TUSC3: variants seen among roughly 807,000 people sequenced by gnomAD.
TUSC3 encodes dolichyl-diphosphooligosaccharide--protein glycosyltransferase subunit TUSC3.
Under a neutral mutation model 44.8 loss-of-function variants are expected in TUSC3, and 45 were observed. The ratio of observed to expected loss-of-function variants is 1.00; its 90% CI spans 0.79 to 1.29. The LOEUF is 1.29. Among genes scored for constraint, TUSC3 ranks in the 50% most tolerant of loss-of-function variants. The pLI, the probability that TUSC3 is intolerant of heterozygous loss-of-function variation, is 0.00. For missense variants in TUSC3, 519 were observed against 437.9 expected (o/e 1.19, Z -1.65); for synonymous variants, 212 against 152.9 (o/e 1.39, Z -2.85).
At chr8:15,494,753 T>C (rs1332306647) in intron 2 of TUSC3, among the ~76,000 whole-genome samples, 1 of 152,190 alleles carries the variant, frequency 6.6e-6, no homozygotes. Flanking sequence ...TTCTGGACTG[T>C]ATTATGACAA....
the TUSC3 span, among the ~76,000 whole-genome samples, chr8:15,783,708 C>G: frequency 1.3e-5 from 2 of 152,050 alleles, no homozygotes; most frequent in Non-Finnish European, 2.9e-5. Flanking sequence ...ATGCAAAAAT[C>G]AATTCAAAAT....
At chr8:15,517,579 G>C (rs1801236649) in intron 2 of TUSC3, among the ~76,000 whole-genome samples, 2 of 124,344 alleles carry the variant, frequency 1.6e-5, no homozygotes, top group Non-Finnish European at 3.1e-5. Context: ...CACATTTACA[G>C]TTTACACAGC....
chr8:15,613,019 A>G (rs1585153205), intron 1 of TUSC3, among the ~76,000 whole-genome samples: 1 of 150,672 alleles, frequency 6.6e-6, no homozygotes. Context: ...ACTTAAGAGC[A>G]GAGCTACAGC....
chr8:15,808,333 T>C, the TUSC3 span, among the ~76,000 whole-genome samples: 1 of 152,136 alleles, frequency 6.6e-6, no homozygotes. Flanking sequence ...AATATAATTG[T>C]TTAAAAAATG....
intron 2 of TUSC3, among the ~76,000 whole-genome samples, chr8:15,530,349 G>A (rs1801433671): frequency 6.6e-6 from 1 of 152,114 alleles, no homozygotes; most frequent in African/African-American, 2.4e-5. Flanking sequence ...TGGATAAGTT[G>A]ATGTGTGAAA....
chr8:15,504,350 T>TA (rs1801015406), intron 2 of TUSC3, among the ~76,000 whole-genome samples: 1 of 151,948 alleles, frequency 6.6e-6, no homozygotes, highest in Non-Finnish European at 1.5e-5. Context: ...TGTGAGATTT[T>TA]AATAAATTAG....
the TUSC3 span, among the ~76,000 whole-genome samples, chr8:15,787,687 G>T: frequency 1.2e-4 from 18 of 152,114 alleles, no homozygotes; most frequent in African/African-American, 4.3e-4. Context: ...ATCTTAATAT[G>T]CAACAAAAAT....
At chr8:15,757,270 C>T (rs1165273580) in intron 9 of TUSC3, among the ~76,000 whole-genome samples, 1 of 152,106 alleles carries the variant, frequency 6.6e-6, no homozygotes, top group African/African-American at 2.4e-5. Flanking sequence ...TAAAACGAAA[C>T]TGATAGTTTC....
chr8:15,711,358 C>A (rs953552987), intron 6 of TUSC3, among the ~76,000 whole-genome samples: 9 of 151,370 alleles, frequency 5.9e-5, no homozygotes, highest in Non-Finnish European at 8.9e-5. Context: ...AAAGGATAAA[C>A]ATAATTTCAA....
intron 6 of TUSC3, among the ~76,000 whole-genome samples, chr8:15,706,288 G>C (rs1809613322): frequency 6.7e-6 from 1 of 149,458 alleles, no homozygotes; most frequent in South Asian, 2.1e-4. Context: ...TTGTATTTAT[G>C]TTGTCAATAA....
At chr8:15,470,813 T>A (rs1156592123) in intron 1 of TUSC3, among the ~76,000 whole-genome samples, 1 of 152,168 alleles carries the variant, frequency 6.6e-6, no homozygotes, top group Admixed American at 6.6e-5. Flanking sequence ...AGGAAATTGC[T>A]GTGTCTACAT....
chr8:15,776,453 G>A, the TUSC3 span, among the ~76,000 whole-genome samples: 3 of 152,174 alleles, frequency 2.0e-5, no homozygotes, highest in East Asian at 3.9e-4. Flanking sequence ...TACTTGACAT[G>A]TCAGTTATGT....
chr8:15,507,250 C>T (rs1298526280), intron 2 of TUSC3, among the ~76,000 whole-genome samples: 3 of 152,130 alleles, frequency 2.0e-5, no homozygotes, highest in South Asian at 2.1e-4. Context: ...CATTTAAAAA[C>T]ATGGTTTGTC....
the TUSC3 span, among the ~76,000 whole-genome samples, chr8:15,839,218 G>A: frequency 3.9e-5 from 6 of 152,276 alleles, no homozygotes; most frequent in South Asian, 6.2e-4. Flanking sequence ...TATATCCTGA[G>A]ACTTTGGTGA....
At position 15,588,340 on chromosome 8, in the gene TUSC3, T is replaced by A. The variant is rs544618644; in HGVS notation, c.139-34740T>A. On this transcript the variant is annotated intron_variant, in intron 1 of 10. Transcript: ENST00000503731. ...GTTGCACATTTTTTCAGATACTTGT[T>A]GGCCATTTGTGTATCTTCTTTTTCG... Among the ~76,000 whole-genome samples the A allele has an allele frequency of 7.9e-5, 12 of 152,334 alleles. No individual in the cohort carries two copies. In the East Asian group the frequency reaches 2.1e-3, roughly 27 times the overall value.
At chr8:15,845,946 A>G in the TUSC3 span, among the ~76,000 whole-genome samples, 1 of 152,302 alleles carries the variant, frequency 6.6e-6, no homozygotes, top group Non-Finnish European at 1.5e-5. Flanking sequence ...AGGCCTCAGA[A>G]TCATGGCAGG....
At chr8:15,559,559 G>C (rs1027700056) in intron 1 of TUSC3, among the ~76,000 whole-genome samples, 2 of 141,448 alleles carry the variant, frequency 1.4e-5, no homozygotes, top group African/African-American at 5.2e-5. Context: ...GGGTATCCTT[G>C]TTGACTTTCT....
chr8:15,717,724 C>G (rs1563187921), intron 6 of TUSC3, among the ~76,000 whole-genome samples: 1 of 152,038 alleles, frequency 6.6e-6, no homozygotes, highest in Non-Finnish European at 1.5e-5. Flanking sequence ...CACCAAAATT[C>G]TATTCTTCAT....
the TUSC3 span, among the ~76,000 whole-genome samples, chr8:15,811,031 C>T: frequency 6.6e-6 from 1 of 151,972 alleles, no homozygotes; most frequent in African/African-American, 2.4e-5. Context: ...GAAGCAAGCT[C>T]ATCAGCAGAG....
Sources: allele counts gnomAD v4.1 joint callset (sites outside exome capture counted in the v4.1 genomes callset), GRCh38; gene constraint gnomAD v4.1.1; transcripts MANE v1.5; gene names NCBI Gene and HGNC (gene_info 2026-07-23, HGNC 2026-07-21).